PIAS4: variants seen among roughly 807,000 people sequenced by gnomAD.
PIAS4 encodes protein inhibitor of activated STAT 4.
Under a neutral mutation model 58.0 loss-of-function variants are expected in PIAS4, and 7 were observed. That is an observed-to-expected ratio of 0.12 (90% CI 0.07 to 0.23). The LOEUF (loss-of-function observed/expected upper bound fraction) is 0.23. Among genes scored for constraint, PIAS4 ranks in the 10% least tolerant of loss-of-function variants. The pLI is 1.00. For synonymous variants in PIAS4, 364 were observed against 312.4 expected (o/e 1.17, Z -1.74); for missense variants, 550 against 709.5 (o/e 0.78, Z 2.55).
Position 4,015,337 on chromosome 19 carries a change from G to T in PIAS4, c.454+1988G>T, listed in dbSNP as rs188565124. On this transcript the variant is annotated intron_variant, in intron 2 of 10. Transcript: ENST00000262971. ...TTCCTGCACGGGGACCAGTAGCTCC[G>T]TCCCACAATACATCGCTGTGCCCTG... Among the ~76,000 whole-genome samples, 15 of 152,182 alleles carry T rather than the reference G, an allele frequency of 9.9e-5. No homozygotes were observed. In the East Asian group the frequency reaches 2.3e-3, roughly 24 times the overall value.
chr19:4,011,625 C>T (rs146048931), intron 1 of PIAS4, among the ~76,000 whole-genome samples: 3 of 150,910 alleles, frequency 2.0e-5, no homozygotes, highest in East Asian at 1.9e-4. Context: ...CTCAGGGCAA[C>T]GTGTGGAGGT....
At chr19:4,034,078 G>C (rs1210143323) in intron 9 of PIAS4, among the ~76,000 whole-genome samples, 1 of 152,228 alleles carries the variant, frequency 6.6e-6, no homozygotes, top group Non-Finnish European at 1.5e-5. Context: ...AGGAGGACAA[G>C]ACCTTTCTCC....
intron 1 of PIAS4, among the ~76,000 whole-genome samples, chr19:4,008,088 G>T (rs1182929686): frequency 1.3e-5 from 2 of 151,978 alleles, no homozygotes; most frequent in Non-Finnish European, 2.9e-5. Context: ...GCCAGGCCAG[G>T]GCCGCGCCTC....
rs768891252 is a variant in PIAS4 at position 4,033,158 on chromosome 19, G to A, written c.966G>A (p.Val322=). ...AGATCGCCACCACCGGTGTGCGGGT[G>A]TCCCTCATCTGTCCGGTGAGTCGGG... ...DSEIATTGVR[V]SLICPLVKMR... The change falls in exon 8 of 11, where the codon GTG becomes GTA. Residue 322 remains valine, a synonymous_variant. Transcript: ENST00000262971. 7 of 1,610,270 alleles carry A rather than the reference G, an allele frequency of 4.3e-6. No homozygotes were observed. The highest frequency in any genetic ancestry group is 1.7e-5 in the Admixed American group (1 of 59,996).
intron 1 of PIAS4, among the ~76,000 whole-genome samples, chr19:4,008,718 C>T (rs1259515412): frequency 3.3e-5 from 5 of 152,160 alleles, no homozygotes; most frequent in South Asian, 4.1e-4. Flanking sequence ...TGTCCTCAAA[C>T]CTTGGCTGCT....
At chr19:4,012,846 A>C (rs993773804) in intron 1 of PIAS4, 77 bp from the exon 2 acceptor site, 46 of 1,456,144 alleles carry the variant, frequency 3.2e-5, no homozygotes, top group Non-Finnish European at 4.1e-5. Flanking sequence ...CGGCCCCCAC[A>C]TCGGGGCCTG....
chr19:4,031,629 G>T (rs913680059), intron 7 of PIAS4, among the ~76,000 whole-genome samples: 1 of 152,152 alleles, frequency 6.6e-6, no homozygotes, highest in Non-Finnish European at 1.5e-5. Flanking sequence ...CGGGGTGGGG[G>T]CCGGGCTTAA....
At chr19:4,029,540 T>G (rs2040202327) in intron 7 of PIAS4, among the ~76,000 whole-genome samples, 1 of 151,808 alleles carries the variant, frequency 6.6e-6, no homozygotes, top group African/African-American at 2.4e-5. Context: ...CGTTTAATCT[T>G]TTTTCTTTTT....
intron 7 of PIAS4, 80 bp from the exon 8 acceptor site, chr19:4,033,020 T>G (rs1253051223): frequency 6.2e-6 from 7 of 1,132,056 alleles, no homozygotes; most frequent in Non-Finnish European, 7.9e-6. Context: ...TGGACGTCAG[T>G]GCCGGAGAGA....
rs74266001 is a variant in PIAS4 at position 4,027,562 on chromosome 19, G to GTTT, written c.540-581_540-579dup. Among the ~76,000 whole-genome samples, 13 of 130,858 alleles carry GTTT rather than the reference G, an allele frequency of 9.9e-5. 4 individuals are homozygous for GTTT. The highest frequency in any genetic ancestry group is 1.3e-4 in the Non-Finnish European group (8 of 61,122). The allele number at this position is 130,858 out of a possible 152,430, so 85.8% of individuals were successfully genotyped here. ...TAAAGTTTATCCTCAGGTGTTACTG[G>GTTT]TTTTTGTTTTTTTTTTTTTGGAGAG... On this transcript the variant is annotated intron_variant, in intron 3 of 10. Coordinates refer to ENST00000262971, the MANE Select transcript of PIAS4 (RefSeq NM_015897.4).
intron 2 of PIAS4, among the ~76,000 whole-genome samples, chr19:4,014,180 G>A (rs1363457460): frequency 2.6e-5 from 4 of 152,190 alleles, no homozygotes; most frequent in Non-Finnish European, 5.9e-5. Flanking sequence ...CCCAGGCGGA[G>A]GAGAGGTGCT....
intron 1 of PIAS4, among the ~76,000 whole-genome samples, chr19:4,008,112 C>T (rs1599211175): frequency 6.6e-6 from 1 of 152,010 alleles, no homozygotes; most frequent in African/African-American, 2.4e-5. Context: ...GTTGAGGCAC[C>T]GTCCCGCCGG....
At chr19:4,031,375 C>T (rs1305018878) in intron 7 of PIAS4, among the ~76,000 whole-genome samples, 2 of 152,200 alleles carry the variant, frequency 1.3e-5, no homozygotes, top group African/African-American at 2.4e-5. Context: ...CCACGGAGTC[C>T]GGCATCCTTG....
intron 2 of PIAS4, among the ~76,000 whole-genome samples, chr19:4,022,712 ACT>A: frequency 7.0e-6 from 1 of 142,176 alleles, no homozygotes; most frequent in East Asian, 2.2e-4. Flanking sequence ...AAACAGTCTC[ACT>A]CTGTCGCCCA....
rs759088793 is a variant in PIAS4 at position 4,028,743 on chromosome 19, C to T, written c.696C>T (p.Pro232=). ...SVPGYYPSNK[P]GVEPKRPCRP... is the part of the protein sequence containing the mutation. Reference sequence around the variant, plus strand: ...AGGGCTACTACCCCTCCAATAAGCCCGGGGTGGAGCCCAAGAGGCCGTGCC... The same window carrying T: ...AGGGCTACTACCCCTCCAATAAGCCTGGGGTGGAGCCCAAGAGGCCGTGCC... The change falls in exon 6 of 11, where the codon CCC becomes CCT. Residue 232 remains proline (P), a synonymous_variant. Transcript: ENST00000262971. 81 of 1,612,410 alleles carry T rather than the reference C, an allele frequency of 5.0e-5. No individual in the cohort carries two copies. Among genetic ancestry groups the T allele is most frequent in the South Asian group, 1.4e-4 (13 of 90,994 alleles).
At chr19:4,012,767 A>G (rs1446669898) in intron 1 of PIAS4, among the ~76,000 whole-genome samples, 156 bp from the exon 2 acceptor site, 2 of 151,692 alleles carry the variant, frequency 1.3e-5, no homozygotes, top group African/African-American at 4.8e-5. Context: ...GGGAGGGGGC[A>G]CCGTAGGGGC....
chr19:4,019,720 C>T (rs1007451424), intron 2 of PIAS4, among the ~76,000 whole-genome samples: 5 of 152,184 alleles, frequency 3.3e-5, no homozygotes, highest in African/African-American at 1.2e-4. Flanking sequence ...CGGGACTCCA[C>T]AGCCCATCAC....
At chr19:4,033,274 C>T (rs373320190) in intron 8 of PIAS4, 101 bp downstream of exon 8, 57 of 1,369,460 alleles carry the variant, frequency 4.2e-5, no homozygotes, top group Middle Eastern at 1.8e-4. Flanking sequence ...CGTGAGCCTG[C>T]GGGGGCGAGG....
chr19:4,026,574 C>CCCAT (rs2040166770), intron 3 of PIAS4, among the ~76,000 whole-genome samples: 1 of 3,938 alleles, frequency 2.5e-4, no homozygotes, highest in African/African-American at 3.1e-4. Context: ...CATGTCCATC[C>CCCAT]CCAGCAGCTG....
Sources: allele counts gnomAD v4.1 joint callset (sites outside exome capture counted in the v4.1 genomes callset), GRCh38; gene constraint gnomAD v4.1.1; transcripts MANE v1.5; gene names NCBI Gene and HGNC (gene_info 2026-07-23, HGNC 2026-07-21).